PIK3CB: variants seen among roughly 807,000 people sequenced by gnomAD.
The protein encoded by PIK3CB is phosphatidylinositol 4,5-bisphosphate 3-kinase catalytic subunit beta isoform.
A neutral mutation model predicts 136.8 loss-of-function variants in PIK3CB; 39 were observed. The ratio of observed to expected loss-of-function variants is 0.29; its 90% CI spans 0.22 to 0.37. PIK3CB has a LOEUF of 0.37. PIK3CB is among the 10% of genes least tolerant of loss of function. The probability of loss-of-function intolerance (pLI) is 1.00; values close to 1 mark genes in which losing one functional copy is unlikely to be tolerated. For missense variants in PIK3CB, 868 were observed against 1,275.4 expected, an observed-to-expected ratio of 0.68 and a Z score of 4.87; for synonymous variants, 428 against 436.6, an observed-to-expected ratio of 0.98 and a Z score of 0.25.
At chr3:138,825,006 G>A (rs1402102656) in intron 1 of PIK3CB, 1 of 213,282 alleles carries the variant, frequency 4.7e-6, no homozygotes, top group Non-Finnish European at 9.8e-6. Flanking sequence ...GGCTGCAGTG[G>A]GCCACGATTG....
intron 2 of PIK3CB, among the ~76,000 whole-genome samples, chr3:138,773,078 A>G (rs1182915751): frequency 6.6e-6 from 1 of 151,596 alleles, no homozygotes; most frequent in Non-Finnish European, 1.5e-5. Context: ...CCAGCTATTT[A>G]TTCTTAATAT....
At chr3:138,679,051 G>A (rs2043707619) in intron 19 of PIK3CB, among the ~76,000 whole-genome samples, 1 of 152,028 alleles carries the variant, frequency 6.6e-6, no homozygotes, top group African/African-American at 2.4e-5. Flanking sequence ...GGGTGACAGA[G>A]TAAGACTCTG....
chr3:138,696,164 A>C (rs2044133532), intron 13 of PIK3CB, among the ~76,000 whole-genome samples: 1 of 151,618 alleles, frequency 6.6e-6, no homozygotes, highest in South Asian at 2.1e-4. Context: ...AATGCCTAGT[A>C]ATTTTTAAAT....
intron 19 of PIK3CB, among the ~76,000 whole-genome samples, chr3:138,675,012 C>A (rs182161888): frequency 3.9e-5 from 6 of 152,088 alleles, no homozygotes; most frequent in African/African-American, 7.2e-5. Flanking sequence ...GAGCCGAGAC[C>A]GCGCCACTGC....
intron 19 of PIK3CB, among the ~76,000 whole-genome samples, chr3:138,680,986 C>T (rs558677083): frequency 6.6e-6 from 1 of 151,872 alleles, no homozygotes; most frequent in East Asian, 1.9e-4. Flanking sequence ...CCATGCACGG[C>T]CCAATTGTTC....
intron 1 of PIK3CB, among the ~76,000 whole-genome samples, chr3:138,828,756 G>A (rs894935169): frequency 6.6e-6 from 1 of 151,708 alleles, no homozygotes; most frequent in African/African-American, 2.4e-5. Context: ...GCAGCATAAG[G>A]AGACCCCGCC....
chr3:138,685,453 T>G (rs1395043111), intron 16 of PIK3CB, among the ~76,000 whole-genome samples: 1 of 133,594 alleles, frequency 7.5e-6, no homozygotes, highest in Non-Finnish European at 1.6e-5. Context: ...AATATGAAAC[T>G]TAAACTACTC....
At position 138,768,852 on chromosome 3, in the gene PIK3CB, C is replaced by T. The variant is rs186279647; in HGVS notation, c.-16-9493G>A. Among the ~76,000 whole-genome samples, 387 of 152,270 alleles carry T rather than the reference C, an allele frequency of 2.5e-3. 5 individuals are homozygous for T. The highest frequency in any genetic ancestry group is 0.025 in the Admixed American group (381 of 15,298). On this transcript the variant is annotated intron_variant, in intron 2 of 23. Coordinates refer to ENST00000674063, the MANE Select transcript of PIK3CB (RefSeq NM_006219.3). ...TCTGCTCCAAGGTCAGACTGGGTGC[C>T]GACAATAGGGAAAAGCCAGACAGTG... is the stretch of plus-strand genomic sequence containing the variant.
At position 138,714,479 on chromosome 3, in the gene PIK3CB, C is replaced by T; in HGVS notation, c.1291G>A (p.Ala431Thr). The T allele has an allele frequency of 6.2e-7, 1 of 1,606,152 alleles. No individual in the cohort carries two copies. The highest frequency in any genetic ancestry group is 1.1e-5 in the South Asian group (1 of 90,154). ...NPSKYQTIRK[A>T]GKVHYPVAWV... ...TGGTATATCATTACCACTTTTCCAG[C>T]TTTCCTGATGGTCTGATATTTAGAG... Residue 431 changes from alanine to threonine, a missense_variant, in exon 9 of 24, where the codon GCT (alanine) becomes ACT (threonine). By Grantham distance (58) the Ala-to-Thr change is moderately conservative. This residue lies in a region of PIK3CB where 612 missense variants were observed against 801.1 expected (regional missense o/e 0.76). Coordinates refer to ENST00000674063, the MANE Select transcript of PIK3CB (RefSeq NM_006219.3).
intron 4 of PIK3CB, among the ~76,000 whole-genome samples, chr3:138,746,602 A>C (rs2045359510): frequency 6.6e-6 from 1 of 152,086 alleles, no homozygotes; most frequent in Non-Finnish European, 1.5e-5. Flanking sequence ...TGGAGCTTGC[A>C]GTGAGCCGAG....
At chr3:138,784,761 C>T (rs943001277) in intron 2 of PIK3CB, among the ~76,000 whole-genome samples, 2 of 152,212 alleles carry the variant, frequency 1.3e-5, no homozygotes, top group African/African-American at 4.8e-5. Flanking sequence ...AATGCAGTGG[C>T]GTGATCTCAG....
intron 1 of PIK3CB, among the ~76,000 whole-genome samples, chr3:138,813,129 A>AT (rs1249125305): frequency 6.6e-6 from 1 of 151,684 alleles, no homozygotes; most frequent in African/African-American, 2.4e-5. Context: ...AGAAAAAAAA[A>AT]TTTTTTTAAT....
intron 1 of PIK3CB, among the ~76,000 whole-genome samples, chr3:138,830,088 G>A (rs1409116675): frequency 6.6e-6 from 1 of 152,144 alleles, no homozygotes; most frequent in African/African-American, 2.4e-5. Flanking sequence ...CGGAAGCCCT[G>A]GGGCATTAGA....
intron 1 of PIK3CB, among the ~76,000 whole-genome samples, chr3:138,832,841 A>C (rs1008456957): frequency 6.7e-6 from 1 of 148,342 alleles, no homozygotes; most frequent in African/African-American, 2.5e-5. Flanking sequence ...AAAAAAAAAA[A>C]AAAAAAAACA....
At chr3:138,674,882 C>T (rs1292690761) in intron 19 of PIK3CB, among the ~76,000 whole-genome samples, 1 of 152,026 alleles carries the variant, frequency 6.6e-6, no homozygotes, top group Non-Finnish European at 1.5e-5. Flanking sequence ...GTGATGAAAC[C>T]CTGTCTCCAC....
At chr3:138,735,372 A>C (rs960679534) in intron 6 of PIK3CB, among the ~76,000 whole-genome samples, 3 of 152,216 alleles carry the variant, frequency 2.0e-5, no homozygotes, top group African/African-American at 7.2e-5. Context: ...ACACTCATTT[A>C]ACATATTAAA....
At chr3:138,819,729 C>A (rs548700994) in intron 1 of PIK3CB, among the ~76,000 whole-genome samples, 1 of 152,252 alleles carries the variant, frequency 6.6e-6, no homozygotes, top group South Asian at 2.1e-4. Context: ...AATCCCAACG[C>A]TTTAGGAGGC....
intron 2 of PIK3CB, among the ~76,000 whole-genome samples, chr3:138,793,432 C>T (rs1432974171): frequency 6.7e-6 from 1 of 150,240 alleles, no homozygotes; most frequent in Admixed American, 6.6e-5. Context: ...ATGGTGAAAC[C>T]CCGTCTCTAA....
At chr3:138,682,457 A>C (rs531577) in intron 18 of PIK3CB, among the ~76,000 whole-genome samples, 77,146 of 151,956 alleles carry the variant, frequency 0.51, 22,178 homozygotes, top group East Asian at 0.98. Context: ...AGGATAACAC[A>C]TGGGTTCAGG....
Sources: allele counts gnomAD v4.1 joint callset (sites outside exome capture counted in the v4.1 genomes callset), GRCh38; gene constraint gnomAD v4.1.1; regional missense constraint gnomAD v4.1.1; transcripts MANE v1.5; gene names NCBI Gene and HGNC (gene_info 2026-07-23, HGNC 2026-07-21).